The following EPOP variants were observed in gnomAD, a reference collection of about 807,000 sequenced individuals.
EPOP encodes the protein elongin BC and Polycomb repressive complex 2-associated protein.
A neutral mutation model predicts 18.2 loss-of-function variants in EPOP; 14 were observed. That is an observed-to-expected ratio of 0.77 (90% CI 0.51 to 1.20). The LOEUF (loss-of-function observed/expected upper bound fraction) is 1.20. Ranked by LOEUF, EPOP falls within the 50% of genes most tolerant of loss-of-function variation. The probability of loss-of-function intolerance (pLI) is 0.00; values close to 1 mark genes in which losing one functional copy is unlikely to be tolerated. For missense variants in EPOP, 527 were observed against 577.2 expected (o/e 0.91, Z 0.89); for synonymous variants, 252 against 274.9 (o/e 0.92, Z 0.83).
Position 38,674,351 on chromosome 17 carries a change from C to T in EPOP, c.145G>A (p.Ala49Thr), listed in dbSNP as rs992252693. 1 of 1,541,584 alleles carries T rather than the reference C, an allele frequency of 6.5e-7. No individual in the cohort carries two copies. The highest frequency in any genetic ancestry group is 2.0e-5 in the Admixed American group (1 of 50,910). ...CLRALAFCAL[A>T]KPRASSLGPG... The stretch of plus-strand genomic sequence containing the variant: ...CCCAGAGAGGACGCCCGGGGCTTGG[C>T]AAGGGCGCAGAAGGCGAGGGCACGC... The change falls in exon 1 of 1, where the codon GCC becomes ACC. Residue 49 changes from alanine to threonine, a missense_variant. Transcript: ENST00000621654. The surrounding 1 kb of genome is among the most constrained non-coding windows in gnomAD (Gnocchi z 4.5).
Position 38,674,542 on chromosome 17 carries a change from C to A in EPOP, c.-47G>T. Reference sequence around the variant, plus strand: ...ACTGAGCGGGTCCAGGTCCCAGCGGCGGGATGCCCTGGCTGCCCGAAGAGC... The same window carrying A: ...ACTGAGCGGGTCCAGGTCCCAGCGGAGGGATGCCCTGGCTGCCCGAAGAGC... On this transcript the variant is annotated 5_prime_UTR_variant, in exon 1 of 1. Coordinates refer to ENST00000621654, the MANE Select transcript of EPOP (RefSeq NM_001130677.2). This position sits in a 1 kb window ranked among gnomAD's most constrained non-coding sequence, Gnocchi z 4.5. 6.9e-7 allele frequency: 1 copy of A among 1,440,176 alleles called. No individual in the cohort carries two copies. The highest frequency in any genetic ancestry group is 9.1e-7 in the Non-Finnish European group (1 of 1,098,554). 89.2% of individuals were successfully genotyped at this position (1,440,176 alleles called of 1,614,324 possible).
In EPOP at chr17:38,673,440, C is replaced by CGGGGG; in HGVS notation, c.1055_1056insCCCCC (p.Leu353ProfsTer72). 1 of 33,434 alleles carries CGGGGG rather than the reference C, an allele frequency of 3.0e-5. No homozygotes were observed. Among genetic ancestry groups the CGGGGG allele is most frequent in the Non-Finnish European group, 5.8e-5 (1 of 17,206 alleles). 2.1% of individuals were successfully genotyped at this position (33,434 alleles called of 1,614,324 possible). On this transcript the variant is annotated frameshift_variant, in exon 1 of 1. Transcript: ENST00000621654. LOFTEE classifies it high-confidence loss of function. The stretch of plus-strand genomic sequence containing the variant: ...GACCCCCCATCTGCCACCTCCACAG[C>CGGGGG]GGGTGGGCGGGCGGGGGCTTAGAGT...
Position 38,673,195 on chromosome 17 carries a change from A to C in EPOP, c.*161T>G. 3 of 1,317,528 alleles carry C rather than the reference A, an allele frequency of 2.3e-6. No homozygotes were observed. Among genetic ancestry groups the C allele is most frequent in the Middle Eastern group, 2.6e-4 (1 of 3,886 alleles). The allele number at this position is 1,317,528 out of a possible 1,614,324, so 81.6% of individuals were successfully genotyped here. A position where few individuals can be genotyped will look rare whatever the true frequency, so the allele number is the denominator to read the frequency against. Reference sequence around the variant, plus strand: ...ATGAGGGGGAGGGACTGTCACCCCGAAAACTTAGGTGCTTGAATGAAGATC... The same window carrying C: ...ATGAGGGGGAGGGACTGTCACCCCGCAAACTTAGGTGCTTGAATGAAGATC... On this transcript the variant is annotated 3_prime_UTR_variant, in exon 1 of 1. Coordinates refer to ENST00000621654, the MANE Select transcript of EPOP (RefSeq NM_001130677.2).
rs1029512819 is a variant in EPOP, at chr17:38,674,226, G to A, written c.270C>T (p.Leu90=). 1.1e-5 allele frequency: 16 copies of A among 1,432,862 alleles called. No homozygotes were observed. The highest frequency in any genetic ancestry group is 1.5e-5 in the African/African-American group (1 of 66,510). The allele number at this position is 1,432,862 out of a possible 1,614,324, so 88.8% of individuals were successfully genotyped here. ...CGCCGGGCCGCCCGGTCGGTGCCCAGAGGTGCTTCAGGCCATCCGGGGCCC... is the reference window on the plus strand; with the variant it reads ...CGCCGGGCCGCCCGGTCGGTGCCCAAAGGTGCTTCAGGCCATCCGGGGCCC... ...GGWAPDGLKH[L]WAPTGRPGVP... is the part of the protein sequence containing the mutation. The change falls in exon 1 of 1, where the codon CTC becomes CTT. Residue 90 remains leucine, a synonymous_variant. Coordinates refer to ENST00000621654, the MANE Select transcript of EPOP (RefSeq NM_001130677.2). This position sits in a 1 kb window ranked among gnomAD's most constrained non-coding sequence, Gnocchi z 4.5.
chr17:38,673,897 G>A lies in EPOP; in HGVS notation c.599C>T (p.Pro200Leu). The change falls in exon 1 of 1, where the codon CCG (proline) becomes CTG (leucine). Residue 200 changes from proline to leucine, a missense_variant. By Grantham distance (98) the Pro-to-Leu change is moderately conservative. Transcript: ENST00000621654. ...AGGCTGGCCGGGCAGGAACGGCCGC[G>A]GCGCCGTCCCGGGACCCGCGGGCTC... Reference protein sequence around the residue: ...STEPAGPGTAPRPFLPGQPAE... With the variant: ...STEPAGPGTALRPFLPGQPAE... The A allele has an allele frequency of 1.4e-6, 2 of 1,392,066 alleles. No homozygotes were observed. The highest frequency in any genetic ancestry group is 1.9e-6 in the Non-Finnish European group (2 of 1,078,514). The allele number at this position is 1,392,066 out of a possible 1,614,324, so 86.2% of individuals were successfully genotyped here.
In EPOP at chr17:38,673,186, G is replaced by C. The variant is rs1247157323; in HGVS notation, c.*170C>G. On this transcript the variant is annotated 3_prime_UTR_variant, in exon 1 of 1. Coordinates refer to ENST00000621654, the MANE Select transcript of EPOP (RefSeq NM_001130677.2). The stretch of plus-strand genomic sequence containing the variant: ...CTGCAAAGGATGAGGGGGAGGGACT[G>C]TCACCCCGAAAACTTAGGTGCTTGA... The C allele has an allele frequency of 3.2e-6, 4 of 1,240,180 alleles. No individual in the cohort carries two copies. Among genetic ancestry groups the C allele is most frequent in the Non-Finnish European group, 4.2e-6 (4 of 948,644 alleles). The allele number at this position is 1,240,180 out of a possible 1,614,324, so 76.8% of individuals were successfully genotyped here. A position where few individuals can be genotyped will look rare whatever the true frequency, so the allele number is the denominator to read the frequency against.
rs776846328 is a variant in EPOP, at chr17:38,673,337, T to C, written c.*19A>G. 3.4e-5 allele frequency: 51 copies of C among 1,511,820 alleles called. No homozygotes were observed. The highest frequency in any genetic ancestry group is 2.8e-4 in the Admixed American group (13 of 45,644). 93.7% of individuals were successfully genotyped at this position (1,511,820 alleles called of 1,614,324 possible). A position where few individuals can be genotyped will look rare whatever the true frequency, so the allele number is the denominator to read the frequency against. ...TTGGCCATGGTCCCAACTTTTCCCC[T>C]TTGGCAGAAGTCCCACGGTCAGCTT... On this transcript the variant is annotated 3_prime_UTR_variant, in exon 1 of 1. Coordinates refer to ENST00000621654, the MANE Select transcript of EPOP (RefSeq NM_001130677.2).
At position 38,673,646 on chromosome 17, in the gene EPOP, C is replaced by T. The variant is rs1911016190; in HGVS notation, c.850G>A (p.Ala284Thr). Residue 284 changes from alanine (A) to threonine (T), a missense_variant, in exon 1 of 1, where the codon GCC becomes ACC. Transcript: ENST00000621654. ...RPPAKGPARGAAKKRRLPAPP... is the reference protein window; with the variant it reads ...RPPAKGPARGTAKKRRLPAPP... Reference sequence around the variant, plus strand: ...GCCGGCAGCCGGCGTTTCTTGGCGGCTCCCCGAGCCGGCCCTTTCGCAGGC... The same window carrying T: ...GCCGGCAGCCGGCGTTTCTTGGCGGTTCCCCGAGCCGGCCCTTTCGCAGGC... 1 of 1,525,500 alleles carries T rather than the reference C, an allele frequency of 6.6e-7. No homozygotes were observed. Among genetic ancestry groups the T allele is most frequent in the Non-Finnish European group, 8.8e-7 (1 of 1,137,048 alleles). 94.5% of individuals were successfully genotyped at this position (1,525,500 alleles called of 1,614,324 possible).
Position 38,673,893 on chromosome 17 carries a change from C to T in EPOP, c.603G>A (p.Arg201=), listed in dbSNP as rs1056794110. 16 of 1,393,990 alleles carry T rather than the reference C, an allele frequency of 1.1e-5. No individual in the cohort carries two copies. In the African/African-American group the frequency reaches 1.7e-4, roughly 15 times the overall value. 86.4% of individuals were successfully genotyped at this position (1,393,990 alleles called of 1,614,324 possible). A position where few individuals can be genotyped will look rare whatever the true frequency, so the allele number is the denominator to read the frequency against. ...CGGCAGGCTGGCCGGGCAGGAACGG[C>T]CGCGGCGCCGTCCCGGGACCCGCGG... ...TEPAGPGTAP[R]PFLPGQPAEV... The change falls in exon 1 of 1, where the codon CGG becomes CGA. Residue 201 remains arginine (R), a synonymous_variant. Coordinates refer to ENST00000621654, the MANE Select transcript of EPOP (RefSeq NM_001130677.2).
Position 38,674,247 on chromosome 17 carries a change from G to A in EPOP, c.249C>T (p.Ala83=). The change falls in exon 1 of 1, where the codon GCC becomes GCT. Residue 83 remains alanine (A), a synonymous_variant. Transcript: ENST00000621654. The surrounding 1 kb of genome is among the most constrained non-coding windows in gnomAD (Gnocchi z 4.5). Reference sequence around the variant, plus strand: ...CCCAGAGGTGCTTCAGGCCATCCGGGGCCCAGCCGCCAGGGCGCAGGGGGG... The same window carrying A: ...CCCAGAGGTGCTTCAGGCCATCCGGAGCCCAGCCGCCAGGGCGCAGGGGGG... ...PQAPLRPGGW[A]PDGLKHLWAP... is the part of the protein sequence containing the mutation. The A allele has an allele frequency of 1.4e-6, 2 of 1,433,286 alleles. No homozygotes were observed. Among genetic ancestry groups the A allele is most frequent in the Non-Finnish European group, 1.8e-6 (2 of 1,104,256 alleles). The allele number at this position is 1,433,286 out of a possible 1,614,324, so 88.8% of individuals were successfully genotyped here. A position where few individuals can be genotyped will look rare whatever the true frequency, so the allele number is the denominator to read the frequency against.
rs1025608350 is a variant in EPOP at position 38,674,622 on chromosome 17, C to A, written c.-127G>T. On this transcript the variant is annotated 5_prime_UTR_variant, in exon 1 of 1. Coordinates refer to ENST00000621654, the MANE Select transcript of EPOP (RefSeq NM_001130677.2). The surrounding 1 kb of genome is among the most constrained non-coding windows in gnomAD (Gnocchi z 4.5). The stretch of plus-strand genomic sequence containing the variant: ...CGACGGGGAGGTCTCTGCTCACGGG[C>A]GCCCCCGGCCCGCCACCCGGGGCCG... 7.1e-6 allele frequency: 7 copies of A among 990,646 alleles called. No homozygotes were observed. The highest frequency in any genetic ancestry group is 3.7e-5 in the Admixed American group (1 of 27,130). 61.4% of individuals were successfully genotyped at this position (990,646 alleles called of 1,614,324 possible). A position where few individuals can be genotyped will look rare whatever the true frequency, so the allele number is the denominator to read the frequency against.
Position 38,673,500 on chromosome 17 carries a change from G to C in EPOP, c.996C>G (p.Asp332Glu). The change falls in exon 1 of 1, where the codon GAC becomes GAG. Residue 332 changes from aspartate (D) to glutamate (E), a missense_variant. Coordinates refer to ENST00000621654, the MANE Select transcript of EPOP (RefSeq NM_001130677.2). ...PPALVVGEDG[D>E]LKPASSLRLQ... ...GGCGAAGCGAGGATGCCGGCTTTAG[G>C]TCTCCGTCTTCCCCCACCACCAGGG... 1 of 1,533,022 alleles carries C rather than the reference G, an allele frequency of 6.5e-7. No homozygotes were observed. Among genetic ancestry groups the C allele is most frequent in the Non-Finnish European group, 8.8e-7 (1 of 1,139,868 alleles). The allele number at this position is 1,533,022 out of a possible 1,614,324, so 95.0% of individuals were successfully genotyped here. A position where few individuals can be genotyped will look rare whatever the true frequency, so the allele number is the denominator to read the frequency against.
At position 38,673,169 on chromosome 17, in the gene EPOP, G is replaced by A. The variant is rs915862294; in HGVS notation, c.*187C>T. 1.4e-4 allele frequency: 151 copies of A among 1,051,458 alleles called. No homozygotes were observed. In the African/African-American group the frequency reaches 2.1e-3, roughly 14 times the overall value. The allele number at this position is 1,051,458 out of a possible 1,614,324, so 65.1% of individuals were successfully genotyped here. A position where few individuals can be genotyped will look rare whatever the true frequency, so the allele number is the denominator to read the frequency against. On this transcript the variant is annotated 3_prime_UTR_variant, in exon 1 of 1. Transcript: ENST00000621654. ...TCCAGCCCTGGGTTCCTCTGCAAAG[G>A]ATGAGGGGGAGGGACTGTCACCCCG... is the stretch of plus-strand genomic sequence containing the variant.
Position 38,674,244 on chromosome 17 carries a change from C to G in EPOP, c.252G>C (p.Pro84=). The G allele has an allele frequency of 7.0e-7, 1 of 1,432,172 alleles. No homozygotes were observed. Among genetic ancestry groups the G allele is most frequent in the Non-Finnish European group, 9.1e-7 (1 of 1,103,684 alleles). 88.7% of individuals were successfully genotyped at this position (1,432,172 alleles called of 1,614,324 possible). ...QAPLRPGGWA[P]DGLKHLWAPT... ...GTGCCCAGAGGTGCTTCAGGCCATC[C>G]GGGGCCCAGCCGCCAGGGCGCAGGG... The change falls in exon 1 of 1, where the codon CCG becomes CCC. Residue 84 remains proline (P), a synonymous_variant. Coordinates refer to ENST00000621654, the MANE Select transcript of EPOP (RefSeq NM_001130677.2). The surrounding 1 kb of genome is among the most constrained non-coding windows in gnomAD (Gnocchi z 4.5).
At position 38,673,555 on chromosome 17, in the gene EPOP, C is replaced by T; in HGVS notation, c.941G>A (p.Ser314Asn). ...APTLPTTSTF[S>N]LLNCFPCPPA... ...GGGGCAGGGGAAGCAGTTGAGGAGGCTGAAGGTGCTCGTGGTGGGGAGCGT... is the reference window on the plus strand; with the variant it reads ...GGGGCAGGGGAAGCAGTTGAGGAGGTTGAAGGTGCTCGTGGTGGGGAGCGT... Residue 314 changes from serine (S) to asparagine (N), a missense_variant, in exon 1 of 1, where the codon AGC (serine) becomes AAC (asparagine). By Grantham distance (46) the Ser-to-Asn change is conservative. Transcript: ENST00000621654. 2 of 1,489,944 alleles carry T rather than the reference C, an allele frequency of 1.3e-6. No homozygotes were observed. Among genetic ancestry groups the T allele is most frequent in the Non-Finnish European group, 1.8e-6 (2 of 1,120,450 alleles). 92.3% of individuals were successfully genotyped at this position (1,489,944 alleles called of 1,614,324 possible).
chr17:38,673,096 A>T lies in EPOP; in HGVS notation c.*260T>A, dbSNP rs982203419. Reference sequence around the variant, plus strand: ...CAGGCCCTGCCTCCAACGGTCCGAGATGGAAGGAGGCAGGGATTGGAATCT... The same window carrying T: ...CAGGCCCTGCCTCCAACGGTCCGAGTTGGAAGGAGGCAGGGATTGGAATCT... On this transcript the variant is annotated 3_prime_UTR_variant, in exon 1 of 1. Transcript: ENST00000621654. 2 of 485,942 alleles carry T rather than the reference A, an allele frequency of 4.1e-6. No individual in the cohort carries two copies. Among genetic ancestry groups the T allele is most frequent in the African/African-American group, 2.0e-5 (1 of 49,574 alleles). 30.1% of individuals were successfully genotyped at this position (485,942 alleles called of 1,614,324 possible).
Position 38,673,743 on chromosome 17 carries a change from C to T in EPOP, c.753G>A (p.Arg251=). ...RQEHFDRLIR[R]SKLWCYAKGF... is the part of the protein sequence containing the mutation. ...CCTTCGCGTAACACCAAAGTTTCGACCGGCGGATCAGACGATCGAAATGTT... is the reference window on the plus strand; with the variant it reads ...CCTTCGCGTAACACCAAAGTTTCGATCGGCGGATCAGACGATCGAAATGTT... Residue 251 remains arginine, a synonymous_variant, in exon 1 of 1, where the codon CGG becomes CGA. Coordinates refer to ENST00000621654, the MANE Select transcript of EPOP (RefSeq NM_001130677.2). The T allele has an allele frequency of 6.5e-7, 1 of 1,529,332 alleles. No homozygotes were observed. Among genetic ancestry groups the T allele is most frequent in the Non-Finnish European group, 8.8e-7 (1 of 1,138,636 alleles). The allele number at this position is 1,529,332 out of a possible 1,614,324, so 94.7% of individuals were successfully genotyped here. A position where few individuals can be genotyped will look rare whatever the true frequency, so the allele number is the denominator to read the frequency against.
chr17:38,673,927 G>C lies in EPOP; in HGVS notation c.569C>G (p.Ser190Cys). 2 of 1,395,654 alleles carry C rather than the reference G, an allele frequency of 1.4e-6. No homozygotes were observed. The highest frequency in any genetic ancestry group is 1.8e-6 in the Non-Finnish European group (2 of 1,083,154). The allele number at this position is 1,395,654 out of a possible 1,614,324, so 86.5% of individuals were successfully genotyped here. Residue 190 changes from serine (S) to cysteine (C), a missense_variant, in exon 1 of 1, where the codon TCC becomes TGC. By Grantham distance (112) the Ser-to-Cys change is moderately radical. Transcript: ENST00000621654. ...CGTCCCGGGACCCGCGGGCTCGGTGGAGAGGCCCGCAGGTGGCGACGGAGG... is the reference window on the plus strand; with the variant it reads ...CGTCCCGGGACCCGCGGGCTCGGTGCAGAGGCCCGCAGGTGGCGACGGAGG... Reference protein sequence around the residue: ...SRPPSPPAGLSTEPAGPGTAP... With the variant: ...SRPPSPPAGLCTEPAGPGTAP...
chr17:38,674,162 C>A lies in EPOP; in HGVS notation c.334G>T (p.Ala112Ser). ...TCCTCCTCTCCGCGGCGGGGGCACG[C>A]TGCGACGTCCGCATCCTCGCCGGCG... Reference protein sequence around the residue: ...TAAGEDADVAACPRRGEEEEG... With the variant: ...TAAGEDADVASCPRRGEEEEG... The change falls in exon 1 of 1, where the codon GCG (alanine) becomes TCG (serine). Residue 112 changes from alanine (A) to serine (S), a missense_variant. By Grantham distance (99) the Ala-to-Ser change is moderately conservative (BLOSUM62 1). Coordinates refer to ENST00000621654, the MANE Select transcript of EPOP (RefSeq NM_001130677.2). This position sits in a 1 kb window ranked among gnomAD's most constrained non-coding sequence, Gnocchi z 4.5. 7.0e-7 allele frequency: 1 copy of A among 1,429,704 alleles called. No homozygotes were observed. The highest frequency in any genetic ancestry group is 9.1e-7 in the Non-Finnish European group (1 of 1,103,738). The allele number at this position is 1,429,704 out of a possible 1,614,324, so 88.6% of individuals were successfully genotyped here. A position where few individuals can be genotyped will look rare whatever the true frequency, so the allele number is the denominator to read the frequency against.
Sources: gnomAD v4.1 joint callset for allele counts on GRCh38, gnomAD v4.1.1 for gene constraint, Gnocchi (gnomAD v3.1) non-coding constraint, MANE v1.5 for transcripts, NCBI Gene and HGNC (gene_info 2026-07-23, HGNC 2026-07-21) for gene names.